SPACA7: variants seen among roughly 807,000 people sequenced by gnomAD.
The protein encoded by SPACA7 is sperm acrosome associated 7.
SPACA7 carries 19 observed loss-of-function variants against 26.3 expected under a neutral mutation model. The observed-to-expected ratio is 0.72, with a 90% CI of 0.50 to 1.06. The LOEUF (loss-of-function observed/expected upper bound fraction) is 1.06, where lower values mean the gene tolerates loss of function less well. Among genes scored for constraint, SPACA7 ranks in the 50% least tolerant of loss-of-function variants. The pLI, the probability that SPACA7 is intolerant of heterozygous loss-of-function variation, is 0.00. For synonymous variants in SPACA7, 84 were observed against 84.5 expected (o/e 0.99, Z 0.04); for missense variants, 211 against 229.9 (o/e 0.92, Z 0.53).
At position 112,376,493 on chromosome 13, in the gene SPACA7, G is replaced by A. The variant is rs763151724; in HGVS notation, c.94+14G>A. 18 of 1,609,298 alleles carry A rather than the reference G, an allele frequency of 1.1e-5. 1 individual carries two copies. In the South Asian group the frequency reaches 1.9e-4, roughly 17 times the overall value. On this transcript the variant is annotated intron_variant, in intron 1 of 6. Transcript: ENST00000283550. ...CCGTGATTCCAGGTAGGGCCCCACA[G>A]GGATGTCTCAGCAGAAAGAGAACTG...
intron 5 of SPACA7, among the ~76,000 whole-genome samples, chr13:112,416,084 C>T (rs968106469): frequency 6.6e-6 from 1 of 151,918 alleles, no homozygotes; most frequent in African/African-American, 2.4e-5. Context: ...CTACACTGTC[C>T]TTCCTACCTT....
intron 1 of SPACA7, among the ~76,000 whole-genome samples, chr13:112,383,734 G>A (rs1291562731): frequency 2.6e-5 from 4 of 152,194 alleles, no homozygotes; most frequent in Admixed American, 2.6e-4. Flanking sequence ...GACAAGGCAT[G>A]AGGCCAGATT....
Position 112,383,045 on chromosome 13 carries a change from A to AGAGAGAGAGAGAGAGAAAGG in SPACA7, c.94+6566_94+6567insGAGAGAGAGAGAGAGAAAGG, listed in dbSNP as rs781245231. Among the ~76,000 whole-genome samples, 86 of 135,042 alleles carry AGAGAGAGAGAGAGAGAAAGG rather than the reference A, an allele frequency of 6.4e-4. 3 individuals carry two copies. The highest frequency in any genetic ancestry group is 2.1e-3 in the African/African-American group (75 of 35,392). The allele number at this position is 135,042 out of a possible 152,430, so 88.6% of individuals were successfully genotyped here. On this transcript the variant is annotated intron_variant, in intron 1 of 6. Transcript: ENST00000283550. ...GAAAGAAAGAGAGAGAGAGAGAAAG[A>AGAGAGAGAGAGAGAGAAAGG]CAGAAGGAAAGAAAGAGACAGAAAG... is the stretch of plus-strand genomic sequence containing the variant.
chr13:112,419,483 G>A (rs1028387272), intron 5 of SPACA7, among the ~76,000 whole-genome samples: 3 of 152,150 alleles, frequency 2.0e-5, no homozygotes, highest in Non-Finnish European at 4.4e-5. Context: ...TAGCTCTGAA[G>A]CTATAAAAGC....
intron 1 of SPACA7, chr13:112,382,152 G>A (rs1272626327): frequency 8.8e-6 from 3 of 340,730 alleles, no homozygotes; most frequent in Non-Finnish European, 1.6e-5. Context: ...GCAAGAGGGA[G>A]TCAGTTAAGC....
Position 112,432,603 on chromosome 13 carries a change from T to C in SPACA7, c.523+82T>C, listed in dbSNP as rs1877270437. On this transcript the variant is annotated intron_variant, in intron 6 of 6. Coordinates refer to ENST00000283550, the MANE Select transcript of SPACA7 (RefSeq NM_145248.5). Reference sequence around the variant, plus strand: ...AGGGACAGGTGTGTCTCCGAGCAGCTCCAGGGAGAGCAGGTGAGCCCAGCC... The same window carrying C: ...AGGGACAGGTGTGTCTCCGAGCAGCCCCAGGGAGAGCAGGTGAGCCCAGCC... The C allele has an allele frequency of 1.9e-5, 21 of 1,096,966 alleles. 1 individual carries two copies. The South Asian group carries it at 2.8e-4, about 14-fold the overall frequency. The allele number at this position is 1,096,966 out of a possible 1,614,324, so 68.0% of individuals were successfully genotyped here.
intron 3 of SPACA7, among the ~76,000 whole-genome samples, chr13:112,398,543 C>T (rs1479951522): frequency 6.6e-6 from 1 of 152,302 alleles, no homozygotes; most frequent in Non-Finnish European, 1.5e-5. Flanking sequence ...GTTATCATCA[C>T]CCCATTTGAC....
chr13:112,380,229 A>C (rs1883957074), intron 1 of SPACA7, among the ~76,000 whole-genome samples: 1 of 152,084 alleles, frequency 6.6e-6, no homozygotes, highest in African/African-American at 2.4e-5. Context: ...AGTCTGACCA[A>C]CATGGTGAAA....
chr13:112,432,810 AG>A (rs1345951581), intron 6 of SPACA7, among the ~76,000 whole-genome samples: 1 of 152,182 alleles, frequency 6.6e-6, no homozygotes, highest in Non-Finnish European at 1.5e-5. Context: ...AGGACTCACA[AG>A]GCTGCCACCA....
intron 5 of SPACA7, among the ~76,000 whole-genome samples, chr13:112,428,544 C>T (rs1238038307): frequency 6.6e-6 from 1 of 152,118 alleles, no homozygotes; most frequent in African/African-American, 2.4e-5. Context: ...CATGCCACTG[C>T]ACTCCGGTCT....
intron 2 of SPACA7, among the ~76,000 whole-genome samples, chr13:112,395,107 C>G (rs1374481015): frequency 6.6e-6 from 1 of 152,202 alleles, no homozygotes; most frequent in African/African-American, 2.4e-5. Flanking sequence ...GAGTCACCAT[C>G]ACGTGCAATT....
chr13:112,408,617 C>T (rs565657453), intron 5 of SPACA7, among the ~76,000 whole-genome samples: 56 of 151,834 alleles, frequency 3.7e-4, no homozygotes, highest in African/African-American at 1.3e-3. Flanking sequence ...CTCCCATTCA[C>T]AATTGCTTCA....
intron 1 of SPACA7, among the ~76,000 whole-genome samples, chr13:112,390,241 G>A (rs1884794643): frequency 6.6e-6 from 1 of 152,130 alleles, no homozygotes; most frequent in South Asian, 2.1e-4. Context: ...CTACATCTAG[G>A]AGAGAACTCT....
chr13:112,434,611 T>A lies in SPACA7; in HGVS notation c.*62T>A, dbSNP rs1451303389. ...CTGCTAGAACCCCCACCCACCAGCC[T>A]CCGGAACAGGGCACTTGTGTGCACA... On this transcript the variant is annotated 3_prime_UTR_variant, in exon 7 of 7. Transcript: ENST00000283550. The A allele has an allele frequency of 2.9e-6, 4 of 1,382,660 alleles. No individual in the cohort carries two copies. Among genetic ancestry groups the A allele is most frequent in the Non-Finnish European group, 4.0e-6 (4 of 992,630 alleles). The allele number at this position is 1,382,660 out of a possible 1,614,324, so 85.6% of individuals were successfully genotyped here. A position where few individuals can be genotyped will look rare whatever the true frequency, so the allele number is the denominator to read the frequency against.
chr13:112,422,144 A>T (rs1469316814), intron 5 of SPACA7, among the ~76,000 whole-genome samples: 1 of 152,206 alleles, frequency 6.6e-6, no homozygotes, highest in Non-Finnish European at 1.5e-5. Context: ...TGAAGTGGCT[A>T]TGTTACTATC....
intron 5 of SPACA7, among the ~76,000 whole-genome samples, chr13:112,429,378 A>C (rs555231822): frequency 2.1e-4 from 32 of 151,076 alleles, no homozygotes; most frequent in Admixed American, 5.3e-4. Context: ...CCCATCTCAA[A>C]AAAAAAAAAA....
intron 5 of SPACA7, among the ~76,000 whole-genome samples, chr13:112,425,829 T>G (rs943765382): frequency 6.6e-6 from 1 of 152,118 alleles, no homozygotes; most frequent in African/African-American, 2.4e-5. Flanking sequence ...CTCCCCACCC[T>G]CCATGGCACT....
Position 112,432,441 on chromosome 13 carries a change from C to G in SPACA7, c.446-3C>G. The G allele has an allele frequency of 1.2e-6, 2 of 1,601,744 alleles. No individual in the cohort carries two copies. Among genetic ancestry groups the G allele is most frequent in the South Asian group, 2.2e-5 (2 of 90,844 alleles). On this transcript the variant is annotated splice_polypyrimidine_tract_variant and splice_region_variant and intron_variant, in intron 5 of 6. Transcript: ENST00000283550. ...ATCATTGTACTTATTGTTTTCCCCA[C>G]AGAAAAGAATTCAAAGAACACTCAG...
At chr13:112,382,275 CAG>C (rs1884122466) in intron 1 of SPACA7, 2 of 611,392 alleles carry the variant, frequency 3.3e-6, no homozygotes, top group East Asian at 6.0e-5. Context: ...TTGTTTTTGA[CAG>C]AGTCTCACTC....
Sources: gnomAD v4.1 joint callset for allele counts (sites outside exome capture counted in the v4.1 genomes callset) on GRCh38, gnomAD v4.1.1 for gene constraint, MANE v1.5 for transcripts, NCBI Gene and HGNC (gene_info 2026-07-23, HGNC 2026-07-21) for gene names.